The following ECM2 variants were observed in gnomAD, a reference collection of about 807,000 sequenced individuals.
ECM2 encodes extracellular matrix protein 2, female organ and adipocyte specific.
Under a neutral mutation model 67.5 loss-of-function variants are expected in ECM2, and 57 were observed. The ratio of observed to expected loss-of-function variants is 0.84; its 90% CI spans 0.68 to 1.05. The LOEUF (loss-of-function observed/expected upper bound fraction) is 1.05, where lower values mean the gene tolerates loss of function less well. Ranked by LOEUF, ECM2 falls within the 50% of genes least tolerant of loss-of-function variation. The pLI, the probability that ECM2 is intolerant of heterozygous loss-of-function variation, is 0.00. For missense variants in ECM2, 741 were observed against 822.8 expected, an observed-to-expected ratio of 0.90 and a Z score of 1.22; for synonymous variants, 258 against 294.5, an observed-to-expected ratio of 0.88 and a Z score of 1.27.
the ECM2 span, among the ~76,000 whole-genome samples, chr9:92,548,661 G>A: frequency 4.6e-5 from 7 of 152,190 alleles, no homozygotes; most frequent in Non-Finnish European, 8.8e-5. Flanking sequence ...ATATCAAGTA[G>A]TTAAGAATGA....
chr9:92,546,649 C>T, the ECM2 span, among the ~76,000 whole-genome samples: 1 of 152,140 alleles, frequency 6.6e-6, no homozygotes, highest in South Asian at 2.1e-4. Flanking sequence ...GGACACGCTG[C>T]CTTTAAGAAC....
intron 8 of ECM2, 72 bp from the exon 9 acceptor site, chr9:92,501,125 G>C (rs7861257): frequency 0.03 from 44,664 of 1,469,270 alleles, 800 homozygotes; most frequent in Non-Finnish European, 0.036. Flanking sequence ...TTTTGATAAG[G>C]CCAGTCTCGA....
chr9:92,496,249 T>C lies in ECM2; in HGVS notation c.*66A>G. 1 of 1,508,950 alleles carries C rather than the reference T, an allele frequency of 6.6e-7. No homozygotes were observed. Among genetic ancestry groups the C allele is most frequent in the Non-Finnish European group, 8.8e-7 (1 of 1,139,648 alleles). The allele number at this position is 1,508,950 out of a possible 1,614,324, so 93.5% of individuals were successfully genotyped here. On this transcript the variant is annotated 3_prime_UTR_variant, in exon 10 of 10. Transcript: ENST00000344604. Reference sequence around the variant, plus strand: ...AACAGGAGGATTATGTCTCTCTTATTAATGACAAATGCAGCTACTACAAAT... The same window carrying C: ...AACAGGAGGATTATGTCTCTCTTATCAATGACAAATGCAGCTACTACAAAT...
chr9:92,502,411 G>T, intron 8 of ECM2, 102 bp downstream of exon 8: 1 of 1,414,240 alleles, frequency 7.1e-7, no homozygotes, highest in Non-Finnish European at 9.8e-7. Flanking sequence ...CTTCAGTATC[G>T]TCACCTCCCT....
upstream of ECM2, among the ~76,000 whole-genome samples, chr9:92,536,370 ATAGGGATGATATTCTCG>A (rs1176509145): frequency 2.0e-5 from 3 of 152,198 alleles, no homozygotes; most frequent in Non-Finnish European, 4.4e-5. Flanking sequence ...TTATCAGATT[ATAGGGATGATATTCTCG>A]TCAGCTAAAG....
Position 92,517,704 on chromosome 9 carries a change from G to T in ECM2, c.464C>A (p.Pro155Gln). ...QTVIPEGECCPVCSATVSYSL... is the reference protein window; with the variant it reads ...QTVIPEGECCQVCSATVSYSL... ...CTCTGTACCAGTAGCGGAGCAGACC[G>T]GGCAGCATTCCCCTTCAGGTATAAC... is the stretch of plus-strand genomic sequence containing the variant. The change falls in exon 3 of 10, where the codon CCG becomes CAG. Residue 155 changes from proline (P) to glutamine (Q), a missense_variant. Transcript: ENST00000344604. 4 of 1,613,918 alleles carry T rather than the reference G, an allele frequency of 2.5e-6. No individual in the cohort carries two copies. The highest frequency in any genetic ancestry group is 3.4e-6 in the Non-Finnish European group (4 of 1,179,848).
At chr9:92,507,869 C>T (rs1253702221) in intron 6 of ECM2, among the ~76,000 whole-genome samples, 1 of 152,218 alleles carries the variant, frequency 6.6e-6, no homozygotes, top group East Asian at 1.9e-4. Context: ...GGTAAATTCC[C>T]TGCCCTTCAG....
downstream of ECM2, chr9:92,493,887 G>A (rs1202419421): frequency 7.6e-6 from 3 of 397,080 alleles, no homozygotes; most frequent in African/African-American, 4.1e-5. Context: ...GTTGAGAAGC[G>A]ACATACACAG....
intron 2 of ECM2, 94 bp from the exon 3 acceptor site, chr9:92,517,969 A>G (rs1847828637): frequency 7.1e-7 from 1 of 1,405,506 alleles, no homozygotes; most frequent in Non-Finnish European, 9.8e-7. Flanking sequence ...AACTGCTCTA[A>G]CCACACAAGA....
chr9:92,524,877 A>G (rs1206680163), intron 1 of ECM2, among the ~76,000 whole-genome samples: 1 of 152,210 alleles, frequency 6.6e-6, no homozygotes, highest in African/African-American at 2.4e-5. Flanking sequence ...GAACAAATCT[A>G]TGATAGGAAG....
At chr9:92,520,966 G>A (rs1848030409) in intron 2 of ECM2, among the ~76,000 whole-genome samples, 1 of 152,214 alleles carries the variant, frequency 6.6e-6, no homozygotes, top group Middle Eastern at 3.2e-3. Context: ...GGGGAGAAAT[G>A]GGGAGTTTAG....
upstream of ECM2, among the ~76,000 whole-genome samples, chr9:92,541,362 T>A (rs1378053927): frequency 6.6e-6 from 1 of 151,814 alleles, no homozygotes; most frequent in Admixed American, 6.6e-5. Context: ...TCCCCATCAC[T>A]AGCCTCTGGT....
intron 4 of ECM2, among the ~76,000 whole-genome samples, chr9:92,512,398 C>G (rs980301595): frequency 6.6e-6 from 1 of 152,164 alleles, no homozygotes; most frequent in Non-Finnish European, 1.5e-5. Flanking sequence ...CTTAACACAG[C>G]CAGAATGTGG....
chr9:92,530,243 A>C (rs957072037), intron 1 of ECM2, among the ~76,000 whole-genome samples: 2 of 152,178 alleles, frequency 1.3e-5, no homozygotes, highest in African/African-American at 4.8e-5. Flanking sequence ...AAACCCAAGA[A>C]TACAGAGTAA....
intron 5 of ECM2, 25 bp downstream of exon 5, chr9:92,511,986 T>C (rs189594615): frequency 1.9e-6 from 3 of 1,552,522 alleles, no homozygotes; most frequent in Admixed American, 1.8e-5. Flanking sequence ...TTCATCCAAA[T>C]AGACAAATCA....
In ECM2 at chr9:92,514,863, A is replaced by C. The variant is rs34355623; in HGVS notation, c.822T>G (p.Asp274Glu). ...CACCCTCCTCACCCTCCTCCTCCTC[A>C]TCCTCCTCCTCCTCCCTTCCTTGGC... ...QQRQGREEEE[D>E]EEEEGEEGEE... Residue 274 changes from aspartate (D) to glutamate (E), a missense_variant, in exon 4 of 10, where the codon GAT becomes GAG. Transcript: ENST00000344604. 1.7e-5 allele frequency: 28 copies of C among 1,608,098 alleles called. No individual in the cohort carries two copies. Among genetic ancestry groups the C allele is most frequent in the Non-Finnish European group, 2.2e-5 (26 of 1,176,666 alleles).
intron 1 of ECM2, among the ~76,000 whole-genome samples, chr9:92,528,477 C>T (rs998254548): frequency 1.4e-4 from 22 of 152,116 alleles, no homozygotes; most frequent in Admixed American, 7.9e-4. Flanking sequence ...TACTGGATAG[C>T]ACATGTATGT....
In ECM2 at chr9:92,496,231, G is replaced by C. The variant is rs1186621525; in HGVS notation, c.*84C>G. 2 of 1,493,092 alleles carry C rather than the reference G, an allele frequency of 1.3e-6. No homozygotes were observed. The highest frequency in any genetic ancestry group is 1.8e-6 in the Non-Finnish European group (2 of 1,133,324). 92.5% of individuals were successfully genotyped at this position (1,493,092 alleles called of 1,614,324 possible). ...TATAATGATACTGAGTATAACAGGA[G>C]GATTATGTCTCTCTTATTAATGACA... On this transcript the variant is annotated 3_prime_UTR_variant, in exon 10 of 10. Transcript: ENST00000344604.
Position 92,505,616 on chromosome 9 carries a change from T to G in ECM2, c.1381A>C (p.Lys461Gln). 1 of 1,611,594 alleles carries G rather than the reference T, an allele frequency of 6.2e-7. No individual in the cohort carries two copies. Among genetic ancestry groups the G allele is most frequent in the Non-Finnish European group, 8.5e-7 (1 of 1,179,294 alleles). Residue 461 changes from lysine to glutamine, a missense_variant, in exon 7 of 10, where the codon AAA becomes CAA. Lys to Gln is a moderately conservative substitution (Grantham distance 53). Coordinates refer to ENST00000344604, the MANE Select transcript of ECM2 (RefSeq NM_001393.4). ...SEANVNPLAF[K>Q]PLKSLAYLRL... ...AAGTAGGCTAGGCTCTTCAAAGGTT[T>G]GAAAGCTAAAGGATTGACATTGGCT...
Sources: allele counts gnomAD v4.1 joint callset (sites outside exome capture counted in the v4.1 genomes callset), GRCh38; gene constraint gnomAD v4.1.1; transcripts MANE v1.5; gene names NCBI Gene and HGNC (gene_info 2026-07-23, HGNC 2026-07-21).